Variants in ADGRV1 observed in about 807,000 individuals in gnomAD.
ADGRV1 encodes adhesion G protein-coupled receptor V1, also known as G-protein coupled receptor 98.
Under a neutral mutation model 596.2 loss-of-function variants are expected in ADGRV1, and 359 were observed. That is an observed-to-expected ratio of 0.60 (90% CI 0.55 to 0.66). ADGRV1 has a LOEUF of 0.66. ADGRV1 is among the 30% of genes least tolerant of loss of function. The pLI, the probability that ADGRV1 is intolerant of heterozygous loss-of-function variation, is 0.00. For synonymous variants in ADGRV1, 2,681 were observed against 2,679.2 expected, an observed-to-expected ratio of 1.00 and a Z score of -0.02; for missense variants, 7,274 against 7,575.6, an observed-to-expected ratio of 0.96 and a Z score of 1.48.
At chr5:90,993,646 G>A (rs1192918686) in intron 85 of ADGRV1, among the ~76,000 whole-genome samples, 1 of 152,020 alleles carries the variant, frequency 6.6e-6, no homozygotes, top group Non-Finnish European at 1.5e-5. Context: ...AGTAGAATTT[G>A]TTGGGTCATA....
intron 89 of ADGRV1, among the ~76,000 whole-genome samples, chr5:91,160,318 T>C (rs1180054573): frequency 6.6e-6 from 1 of 152,166 alleles, no homozygotes; most frequent in Non-Finnish European, 1.5e-5. Context: ...TAAACAAAGT[T>C]AGGTAAGAAT....
At chr5:90,689,145 A>G (rs1746118273) in intron 29 of ADGRV1, among the ~76,000 whole-genome samples, 1 of 152,098 alleles carries the variant, frequency 6.6e-6, no homozygotes, top group Admixed American at 6.5e-5. Flanking sequence ...TCTGGCCATA[A>G]TACTTGCTTG....
chr5:90,973,045 A>G (rs995149204), intron 84 of ADGRV1, among the ~76,000 whole-genome samples: 1 of 152,224 alleles, frequency 6.6e-6, no homozygotes, highest in African/African-American at 2.4e-5. Context: ...ACAGAAATAC[A>G]GACTACCATC....
Position 91,010,178 on chromosome 5 carries a change from A to G in ADGRV1, c.18152+24656A>G, listed in dbSNP as rs187449427. ...AGGGGAACAAAATGAATGGGGATGCATAAAAGCTAACTACAACATGACACA... is the reference window on the plus strand; with the variant it reads ...AGGGGAACAAAATGAATGGGGATGCGTAAAAGCTAACTACAACATGACACA... On this transcript the variant is annotated intron_variant, in intron 85 of 89. Transcript: ENST00000405460. Among the ~76,000 whole-genome samples, 3 of 152,240 alleles carry G rather than the reference A, an allele frequency of 2.0e-5. No homozygotes were observed. The East Asian group carries it at 5.8e-4, about 29-fold the overall frequency.
intron 10 of ADGRV1, among the ~76,000 whole-genome samples, chr5:90,637,139 C>T (rs1474077336): frequency 6.6e-6 from 1 of 152,112 alleles, no homozygotes; most frequent in Non-Finnish European, 1.5e-5. Context: ...CTTTATTTCA[C>T]ATGAGAAAAT....
In ADGRV1 at chr5:90,627,679, G is replaced by A; in HGVS notation, c.1141G>A (p.Val381Ile). Residue 381 changes from valine to isoleucine, a missense_variant, in exon 7 of 90, where the codon GTC becomes ATC. Around this residue, in one of 5 missense-constraint regions of ADGRV1, gnomAD observed 1,715 missense variants for 1,708.8 expected, o/e 1.00. Transcript: ENST00000405460. ...GCTAATAAGCCCTTCTGTTGTACAA[G>A]TCACCATTAAGCCAAATGATAAACC... ...AVLISPSVVQ[V>I]TIKPNDKPYG... The A allele has an allele frequency of 6.2e-7, 1 of 1,613,622 alleles. No homozygotes were observed. Among genetic ancestry groups the A allele is most frequent in the Non-Finnish European group, 8.5e-7 (1 of 1,179,720 alleles).
chr5:91,126,291 CG>C (rs544396453), intron 87 of ADGRV1, among the ~76,000 whole-genome samples: 36 of 152,284 alleles, frequency 2.4e-4, no homozygotes, highest in Admixed American at 7.8e-4. Flanking sequence ...GATGACTAAC[CG>C]GTGTTAACAC....
chr5:90,943,986 C>A (rs958667359), intron 83 of ADGRV1, among the ~76,000 whole-genome samples: 2 of 152,074 alleles, frequency 1.3e-5, no homozygotes, highest in South Asian at 2.1e-4. Flanking sequence ...CCAGTACCAA[C>A]CCCCTTTTTA....
chr5:91,069,722 A>C (rs991520861), intron 85 of ADGRV1, among the ~76,000 whole-genome samples: 1 of 152,080 alleles, frequency 6.6e-6, no homozygotes, highest in Non-Finnish European at 1.5e-5. Flanking sequence ...CGAACTTAGA[A>C]CACAGCTCTT....
chr5:91,094,550 A>T (rs564693204), intron 86 of ADGRV1, among the ~76,000 whole-genome samples: 254 of 152,306 alleles, frequency 1.7e-3, no homozygotes, highest in Non-Finnish European at 2.8e-3. Context: ...AAGCTGTCAA[A>T]ATAGGTTCAC....
At chr5:90,660,366 G>A (rs952986091) in intron 21 of ADGRV1, among the ~76,000 whole-genome samples, 2 of 152,050 alleles carry the variant, frequency 1.3e-5, no homozygotes, top group African/African-American at 2.4e-5. Flanking sequence ...GTGTACAGGG[G>A]TCCTGAAACT....
At chr5:90,815,592 A>G (rs1384812202) in intron 74 of ADGRV1, 27 bp from the exon 75 acceptor site, 2 of 1,230,872 alleles carry the variant, frequency 1.6e-6, no homozygotes, top group African/African-American at 1.5e-5. Context: ...TCTTGAATAT[A>G]TTATAGCCCT....
chr5:90,999,365 T>C (rs1388350084), intron 85 of ADGRV1, among the ~76,000 whole-genome samples: 1 of 152,038 alleles, frequency 6.6e-6, no homozygotes, highest in Admixed American at 6.6e-5. Context: ...AAGTTATGTT[T>C]AACTTTAACT....
At chr5:91,142,022 G>T (rs1276238255) in intron 87 of ADGRV1, among the ~76,000 whole-genome samples, 3 of 152,168 alleles carry the variant, frequency 2.0e-5, no homozygotes, top group Non-Finnish European at 4.4e-5. Flanking sequence ...GCTTCATTCT[G>T]CCATGAAGCC....
intron 84 of ADGRV1, among the ~76,000 whole-genome samples, chr5:90,980,959 C>T (rs1364831769): frequency 1.3e-5 from 2 of 152,100 alleles, no homozygotes; most frequent in Non-Finnish European, 2.9e-5. Flanking sequence ...AATTGCTAGC[C>T]TTGGTTACTC....
intron 85 of ADGRV1, among the ~76,000 whole-genome samples, chr5:91,002,468 A>C (rs1304728881): frequency 1.3e-5 from 2 of 151,720 alleles, no homozygotes; most frequent in African/African-American, 2.4e-5. Flanking sequence ...GTGTTATTTC[A>C]TTTTCCCCCA....
chr5:90,644,067 T>A, intron 14 of ADGRV1, 84 bp downstream of exon 14: 5 of 966,248 alleles, frequency 5.2e-6, no homozygotes, highest in Non-Finnish European at 7.4e-6. Flanking sequence ...AGTAACTAGT[T>A]ATTTCTAGTT....
intron 87 of ADGRV1, among the ~76,000 whole-genome samples, chr5:91,132,276 G>A (rs1041095556): frequency 6.6e-6 from 1 of 152,148 alleles, no homozygotes; most frequent in African/African-American, 2.4e-5. Context: ...AAAAATCAAT[G>A]TGGCTTTAAT....
At chr5:91,144,677 G>A (rs1795383102) in intron 87 of ADGRV1, among the ~76,000 whole-genome samples, 1 of 152,188 alleles carries the variant, frequency 6.6e-6, no homozygotes, top group Non-Finnish European at 1.5e-5. Context: ...AAATGGTAAT[G>A]CATAGAAAGA....
Sources: gnomAD v4.1 joint callset for allele counts (sites outside exome capture counted in the v4.1 genomes callset) on GRCh38, gnomAD v4.1.1 for gene constraint, gnomAD v4.1.1 regional missense constraint, MANE v1.5 for transcripts, NCBI Gene and HGNC (gene_info 2026-07-23, HGNC 2026-07-21) for gene names.